Variants in AGBL4 observed in about 807,000 individuals in gnomAD.
AGBL4 encodes the protein AGBL carboxypeptidase 4.
A neutral mutation model predicts 66.4 loss-of-function variants in AGBL4; 58 were observed. The ratio of observed to expected loss-of-function variants is 0.87; its 90% CI spans 0.71 to 1.09. The LOEUF is 1.09. AGBL4 is among the 50% of genes least tolerant of loss of function. The pLI is 0.00. For missense variants in AGBL4, 579 were observed against 631.0 expected (o/e 0.92, Z 0.88); for synonymous variants, 234 against 222.9 (o/e 1.05, Z -0.44).
intron 6 of AGBL4, among the ~76,000 whole-genome samples, chr1:48,808,622 T>C (rs1645982662): frequency 6.6e-6 from 1 of 152,102 alleles, no homozygotes; most frequent in African/African-American, 2.4e-5. Context: ...AAAGATATGC[T>C]GGGTGTCAGA....
intron 3 of AGBL4, among the ~76,000 whole-genome samples, chr1:49,302,926 G>A (rs241470): frequency 0.051 from 7,717 of 151,914 alleles, 608 homozygotes; most frequent in African/African-American, 0.17. Context: ...TTGGTTTTCC[G>A]TTCCTGTGTT....
At chr1:49,732,169 A>C (rs1474543858) in intron 2 of AGBL4, among the ~76,000 whole-genome samples, 12 of 152,230 alleles carry the variant, frequency 7.9e-5, no homozygotes, top group Non-Finnish European at 1.3e-4. Context: ...TACCAGCTTG[A>C]AGTACAGCCC....
At chr1:48,597,875 A>G (rs1008919027) in intron 9 of AGBL4, among the ~76,000 whole-genome samples, 1 of 150,228 alleles carries the variant, frequency 6.7e-6, no homozygotes, top group Non-Finnish European at 1.5e-5. Flanking sequence ...AAGGAGAAAG[A>G]AAGAAAAAAA....
chr1:48,549,532 A>G (rs767394413), intron 11 of AGBL4, among the ~76,000 whole-genome samples: 9 of 152,150 alleles, frequency 5.9e-5, no homozygotes, highest in Non-Finnish European at 1.2e-4. Context: ...AGGGTCAGGG[A>G]GAGACAGCAG....
At position 48,542,242 on chromosome 1, in the gene AGBL4, T is replaced by C. The variant is rs183544594; in HGVS notation, c.1268-2504A>G. 1.1e-4 allele frequency among the ~76,000 whole-genome samples: 17 copies of C among 152,354 alleles called. No homozygotes were observed. In the East Asian group the frequency reaches 3.1e-3, roughly 28 times the overall value. On this transcript the variant is annotated intron_variant, in intron 11 of 13. Coordinates refer to ENST00000371839, the MANE Select transcript of AGBL4 (RefSeq NM_032785.4). ...ACATTTTCTTTATCCATTCTATCAT[T>C]GATGGGCATTTGGGTTGGTTCCAAG...
At chr1:49,579,054 T>C (rs1644492343) in intron 3 of AGBL4, among the ~76,000 whole-genome samples, 1 of 152,158 alleles carries the variant, frequency 6.6e-6, no homozygotes, top group Non-Finnish European at 1.5e-5. Context: ...GCCTCCTAGC[T>C]AACATTTTTC....
intron 8 of AGBL4, 32 bp from the exon 9 acceptor site, chr1:48,634,636 G>A (rs1557843011): frequency 6.7e-7 from 1 of 1,494,688 alleles, no homozygotes; most frequent in Admixed American, 1.9e-5. Flanking sequence ...AGTCAATATA[G>A]ACAGGATAAG....
chr1:49,863,106 TGG>T (rs2148090133), intron 1 of AGBL4, among the ~76,000 whole-genome samples: 1 of 152,110 alleles, frequency 6.6e-6, no homozygotes, highest in South Asian at 2.1e-4. Context: ...CATATACCAA[TGG>T]AACAAAATAG....
At chr1:48,888,152 T>C (rs1650554940) in intron 5 of AGBL4, among the ~76,000 whole-genome samples, 1 of 152,208 alleles carries the variant, frequency 6.6e-6, no homozygotes, top group African/African-American at 2.4e-5. Context: ...GGCTAATTTA[T>C]GTTCACACCA....
chr1:49,468,007 T>C (rs569743027), intron 3 of AGBL4, among the ~76,000 whole-genome samples: 1 of 151,944 alleles, frequency 6.6e-6, no homozygotes, highest in East Asian at 1.9e-4. Context: ...CTAATAAGAC[T>C]AAACAATTGC....
chr1:49,155,358 A>G (rs2148127828), intron 4 of AGBL4, among the ~76,000 whole-genome samples: 1 of 152,302 alleles, frequency 6.6e-6, no homozygotes. Context: ...AGTAATAGGT[A>G]AGATATATTG....
intron 6 of AGBL4, chr1:48,776,913 A>C: frequency 2.6e-6 from 1 of 387,622 alleles, no homozygotes; most frequent in Non-Finnish European, 4.4e-6. Flanking sequence ...GGGGGGCGCG[A>C]GTCTCGCTAC....
chr1:48,964,633 T>C (rs1658272533), intron 5 of AGBL4, among the ~76,000 whole-genome samples: 2 of 152,172 alleles, frequency 1.3e-5, no homozygotes, highest in Admixed American at 1.3e-4. Flanking sequence ...TCCAAGGTCA[T>C]ATAAGTAGAA....
At chr1:48,823,667 G>C (rs2148773527) in intron 6 of AGBL4, among the ~76,000 whole-genome samples, 1 of 152,238 alleles carries the variant, frequency 6.6e-6, no homozygotes, top group African/African-American at 2.4e-5. Context: ...CTATTGTACT[G>C]CATTGCTTCA....
intron 5 of AGBL4, among the ~76,000 whole-genome samples, chr1:48,874,176 C>G (rs12089410): frequency 0.11 from 17,194 of 152,132 alleles, 1,646 homozygotes; most frequent in African/African-American, 0.24. Context: ...CAGAAACAGG[C>G]GCCACAGGGG....
chr1:49,844,998 C>A, intron 2 of AGBL4: 1 of 1,431,508 alleles, frequency 7.0e-7, no homozygotes, highest in Admixed American at 1.9e-5. Context: ...AAGGCCCCCA[C>A]ACGTGGGGAA....
At chr1:49,501,671 C>T (rs1648169762) in intron 3 of AGBL4, among the ~76,000 whole-genome samples, 1 of 151,596 alleles carries the variant, frequency 6.6e-6, no homozygotes, top group Non-Finnish European at 1.5e-5. Flanking sequence ...TTATTTCCTT[C>T]CTTTTCTAGT....
chr1:48,829,302 C>T (rs1342046842), intron 6 of AGBL4, among the ~76,000 whole-genome samples: 1 of 152,172 alleles, frequency 6.6e-6, no homozygotes, highest in Non-Finnish European at 1.5e-5. Context: ...AGATGTGATC[C>T]TAGTCAGTCT....
intron 3 of AGBL4, among the ~76,000 whole-genome samples, chr1:49,288,427 G>A (rs1337608788): frequency 1.3e-5 from 2 of 152,022 alleles, no homozygotes; most frequent in East Asian, 3.9e-4. Flanking sequence ...CCAACAGAGA[G>A]CATTTGCTGA....
Sources: allele counts gnomAD v4.1 joint callset (sites outside exome capture counted in the v4.1 genomes callset), GRCh38; gene constraint gnomAD v4.1.1; transcripts MANE v1.5; gene names NCBI Gene and HGNC (gene_info 2026-07-23, HGNC 2026-07-21).